Variants in TRPS1 observed in about 807,000 individuals in gnomAD.
TRPS1 encodes transcriptional repressor GATA binding 1.
TRPS1 carries 6 observed loss-of-function variants against 101.2 expected under a neutral mutation model. The observed-to-expected ratio is 0.06, with a 90% CI of 0.03 to 0.12. TRPS1 has a LOEUF of 0.12. TRPS1 is among the 10% of genes least tolerant of loss of function. The pLI, the probability that TRPS1 is intolerant of heterozygous loss-of-function variation, is 1.00. For synonymous variants in TRPS1, 578 were observed against 589.8 expected (o/e 0.98, Z 0.29); for missense variants, 1,363 against 1,567.0 (o/e 0.87, Z 2.20).
At chr8:115,445,283 T>C (rs1813704751) in intron 5 of TRPS1, among the ~76,000 whole-genome samples, 1 of 152,176 alleles carries the variant, frequency 6.6e-6, no homozygotes, top group African/African-American at 2.4e-5. Flanking sequence ...CAGGGCTTCT[T>C]CTTAAGAAGC....
chr8:115,443,160 C>T (rs538461698), intron 5 of TRPS1, among the ~76,000 whole-genome samples: 65 of 151,972 alleles, frequency 4.3e-4, no homozygotes, highest in African/African-American at 1.4e-3. Flanking sequence ...GTCCCAGCTA[C>T]TTGGGAGGCT....
At chr8:115,565,216 G>A (rs911296736) in intron 5 of TRPS1, among the ~76,000 whole-genome samples, 1 of 152,124 alleles carries the variant, frequency 6.6e-6, no homozygotes, top group Non-Finnish European at 1.5e-5. Context: ...AAGTAGTGCT[G>A]ACAGCTACAG....
chr8:115,593,926 A>T (rs1248118235), intron 4 of TRPS1, among the ~76,000 whole-genome samples: 3 of 152,074 alleles, frequency 2.0e-5, no homozygotes, highest in Non-Finnish European at 2.9e-5. Flanking sequence ...TCACTTTACA[A>T]GTATATGTAA....
In TRPS1 at chr8:115,604,797, T is replaced by G; in HGVS notation, c.1172A>C (p.Asn391Thr). The G allele has an allele frequency of 6.2e-7, 1 of 1,613,848 alleles. No homozygotes were observed. Among genetic ancestry groups the G allele is most frequent in the South Asian group, 1.1e-5 (1 of 91,062 alleles). ...AAGTGCAGGGATGGACTTGTTAGAG[T>G]TTTTCTCTGAAGGTTTTGCAACCTC... The part of the protein sequence containing the change: ...SSEVAKPSEK[N>T]SNKSIPALQS... Residue 391 changes from asparagine to threonine, a missense_variant, in exon 4 of 7, where the codon AAC (asparagine) becomes ACC (threonine). Asn to Thr is a moderately conservative substitution (Grantham distance 65, BLOSUM62 0). Around this residue, in one of 5 missense-constraint regions of TRPS1, gnomAD observed 1,020 missense variants for 1,073.0 expected, o/e 0.95. Transcript: ENST00000395715. This position sits in a 1 kb window ranked among gnomAD's most constrained non-coding sequence, Gnocchi z 4.1.
intron 5 of TRPS1, among the ~76,000 whole-genome samples, chr8:115,446,913 T>G (rs112855122): frequency 5.9e-5 from 9 of 152,320 alleles, no homozygotes; most frequent in African/African-American, 2.2e-4. Flanking sequence ...ATATTTGGGA[T>G]GACACATTTC....
intron 5 of TRPS1, among the ~76,000 whole-genome samples, chr8:115,535,338 CAT>C (rs1473909832): frequency 3.6e-5 from 5 of 139,654 alleles, no homozygotes; most frequent in African/African-American, 1.4e-4. Context: ...ATATATAGCG[CAT>C]ATATATAGCA....
intron 5 of TRPS1, among the ~76,000 whole-genome samples, chr8:115,445,537 C>T (rs929438829): frequency 5.3e-5 from 8 of 152,064 alleles, no homozygotes; most frequent in African/African-American, 1.9e-4. Flanking sequence ...ACAAAAGAGT[C>T]AATGAGGTAA....
intron 5 of TRPS1, among the ~76,000 whole-genome samples, chr8:115,535,293 T>TAGCATATATATAGCATATATAG (rs1554583829): frequency 0.27 from 28,486 of 105,056 alleles, 8,002 homozygotes; most frequent in African/African-American, 0.68. Context: ...AGCATATATA[T>TAGCATATATATAGCATATATAG]AGCATATATA....
intron 5 of TRPS1, among the ~76,000 whole-genome samples, chr8:115,579,860 C>T (rs898636620): frequency 6.6e-6 from 1 of 152,046 alleles, no homozygotes; most frequent in Non-Finnish European, 1.5e-5. Context: ...GGCATTTAAT[C>T]ATTCTGAGAT....
intron 5 of TRPS1, among the ~76,000 whole-genome samples, chr8:115,585,347 T>C (rs759722316): frequency 1.3e-5 from 2 of 152,170 alleles, no homozygotes. Flanking sequence ...CATTTCAAAG[T>C]CTTAGAGTAT....
At chr8:115,475,070 G>A (rs928694833) in intron 5 of TRPS1, among the ~76,000 whole-genome samples, 4 of 151,638 alleles carry the variant, frequency 2.6e-5, no homozygotes, top group Admixed American at 2.0e-4. Context: ...TAAAACAGAG[G>A]ATTAAGTGAA....
chr8:115,633,006 G>T (rs1294232604), intron 1 of TRPS1, among the ~76,000 whole-genome samples: 1 of 152,050 alleles, frequency 6.6e-6, no homozygotes, highest in Non-Finnish European at 1.5e-5. Flanking sequence ...ATTTTTCAGT[G>T]AAACAGCAGT....
At chr8:115,663,772 A>T (rs1811863128) in intron 1 of TRPS1, among the ~76,000 whole-genome samples, 1 of 151,280 alleles carries the variant, frequency 6.6e-6, no homozygotes, top group African/African-American at 2.4e-5. Context: ...GACCGCTACG[A>T]TAATAGCTGC....
At chr8:115,523,620 C>T (rs1815921865) in intron 5 of TRPS1, among the ~76,000 whole-genome samples, 1 of 152,072 alleles carries the variant, frequency 6.6e-6, no homozygotes, top group African/African-American at 2.4e-5. Context: ...CTGATTAATC[C>T]CTAAATTCTA....
intron 1 of TRPS1, among the ~76,000 whole-genome samples, chr8:115,625,369 TC>T (rs1442188892): frequency 6.6e-6 from 1 of 151,848 alleles, no homozygotes; most frequent in African/African-American, 2.4e-5. Context: ...TTTCTAAAAT[TC>T]CCCCACCTCT....
intron 4 of TRPS1, among the ~76,000 whole-genome samples, chr8:115,597,059 C>T (rs998027859): frequency 6.6e-6 from 1 of 151,768 alleles, no homozygotes. Flanking sequence ...AGAGTTTTTT[C>T]CTGTTTTTAT....
intron 1 of TRPS1, among the ~76,000 whole-genome samples, chr8:115,633,727 T>G (rs1818702737): frequency 6.6e-6 from 1 of 152,160 alleles, no homozygotes; most frequent in African/African-American, 2.4e-5. Flanking sequence ...TCTAAAATTC[T>G]GAATATTTTT....
At position 115,528,151 on chromosome 8, in the gene TRPS1, T is replaced by A. The variant is rs533590004; in HGVS notation, c.2700+58850A>T. 9.0e-4 allele frequency among the ~76,000 whole-genome samples: 137 copies of A among 152,186 alleles called. 2 individuals carry two copies. Among genetic ancestry groups the A allele is most frequent in the Non-Finnish European group, 1.3e-3 (85 of 67,938 alleles). On this transcript the variant is annotated intron_variant, in intron 5 of 6. Transcript: ENST00000395715. ...GTCACCATAAAAGACTGATACAACC[T>A]TTCTGGGAAAGTAAAACTGAAGGCT...
intron 5 of TRPS1, among the ~76,000 whole-genome samples, chr8:115,437,291 C>T (rs1049333189): frequency 6.6e-5 from 10 of 152,192 alleles, no homozygotes; most frequent in Admixed American, 1.3e-4. Context: ...AGCAGGGATA[C>T]CCCCATGACG....
Sources: allele counts gnomAD v4.1 joint callset (sites outside exome capture counted in the v4.1 genomes callset), GRCh38; gene constraint gnomAD v4.1.1; regional missense constraint gnomAD v4.1.1; non-coding constraint Gnocchi (gnomAD v3.1); transcripts MANE v1.5; gene names NCBI Gene and HGNC (gene_info 2026-07-23, HGNC 2026-07-21).